GSG1L: variants seen among roughly 807,000 people sequenced by gnomAD.
The protein encoded by GSG1L is GSG1 like.
A neutral mutation model predicts 42.1 loss-of-function variants in GSG1L; 24 were observed. The ratio of observed to expected loss-of-function variants is 0.57; its 90% confidence interval spans 0.41 to 0.80. GSG1L has a LOEUF of 0.80. Ranked by LOEUF, GSG1L falls within the 30% of genes least tolerant of loss-of-function variation. The pLI, the probability that GSG1L is intolerant of heterozygous loss-of-function variation, is 0.00. For missense variants in GSG1L, 445 were observed against 472.2 expected, an observed-to-expected ratio of 0.94 and a Z score of 0.53; for synonymous variants, 215 against 203.5, an observed-to-expected ratio of 1.06 and a Z score of -0.48.
intron 2 of GSG1L, among the ~76,000 whole-genome samples, chr16:27,899,081 A>C (rs988973056): frequency 6.6e-6 from 1 of 152,212 alleles, no homozygotes; most frequent in Non-Finnish European, 1.5e-5. Context: ...AGGCTCGGGG[A>C]GGAGGCTGGC....
intron 1 of GSG1L, among the ~76,000 whole-genome samples, chr16:28,026,880 G>A (rs186738434): frequency 1.3e-4 from 20 of 152,260 alleles, no homozygotes; most frequent in Admixed American, 1.1e-3. Flanking sequence ...CCAGGAGTTC[G>A]AGACCAGCCT....
intron 2 of GSG1L, among the ~76,000 whole-genome samples, chr16:27,950,115 G>A (rs943648209): frequency 1.3e-5 from 2 of 152,034 alleles, no homozygotes. Context: ...CCAACCCTAC[G>A]CCATCATAGA....
chr16:28,039,028 G>A (rs1200271662), intron 1 of GSG1L, among the ~76,000 whole-genome samples: 1 of 152,156 alleles, frequency 6.6e-6, no homozygotes, highest in Admixed American at 6.5e-5. Flanking sequence ...ACTGCAAATT[G>A]GTGTGGGGGC....
chr16:27,909,383 T>A (rs1596605133), intron 2 of GSG1L, among the ~76,000 whole-genome samples: 3 of 65,300 alleles, frequency 4.6e-5, no homozygotes, highest in African/African-American at 1.3e-4. Flanking sequence ...TTCTTTTTCT[T>A]TTTTTTTTTT....
At chr16:27,839,777 T>C (rs1157352772) in intron 4 of GSG1L, among the ~76,000 whole-genome samples, 1 of 152,256 alleles carries the variant, frequency 6.6e-6, no homozygotes, top group East Asian at 1.9e-4. Flanking sequence ...TTTACCATTT[T>C]AGATGTTAGA....
chr16:27,866,774 G>A (rs922085970), intron 3 of GSG1L, among the ~76,000 whole-genome samples: 3 of 152,078 alleles, frequency 2.0e-5, no homozygotes, highest in South Asian at 4.2e-4. Flanking sequence ...GTTTCACCGC[G>A]TTGGCCAGGC....
intron 4 of GSG1L, among the ~76,000 whole-genome samples, chr16:27,839,170 A>G (rs1349929451): frequency 6.6e-6 from 1 of 152,186 alleles, no homozygotes; most frequent in Non-Finnish European, 1.5e-5. Context: ...AAAGGGAGGG[A>G]CAGCAGTGAG....
intron 5 of GSG1L, among the ~76,000 whole-genome samples, chr16:27,808,421 C>CT (rs11388084): frequency 0.19 from 26,993 of 141,724 alleles, 2,651 homozygotes; most frequent in African/African-American, 0.26. Context: ...TAAAACACAT[C>CT]TTTTTTTTTT....
intron 4 of GSG1L, among the ~76,000 whole-genome samples, chr16:27,832,304 C>T (rs1260800426): frequency 6.6e-6 from 1 of 152,160 alleles, no homozygotes; most frequent in Non-Finnish European, 1.5e-5. Context: ...ATATCACAAG[C>T]AGGATATTGA....
intron 1 of GSG1L, among the ~76,000 whole-genome samples, chr16:28,013,620 C>T (rs1043504469): frequency 6.6e-6 from 1 of 152,198 alleles, no homozygotes; most frequent in Admixed American, 6.5e-5. Context: ...AGGTGCCACA[C>T]AGGACATGAA....
intron 3 of GSG1L, among the ~76,000 whole-genome samples, chr16:27,883,118 CAAAAAAAAAA>C (rs1282858322): frequency 2.8e-5 from 2 of 70,176 alleles, no homozygotes; most frequent in African/African-American, 8.6e-5. Context: ...GACCCAATCT[CAAAAAAAAAA>C]AAAAAAAAAA....
intron 1 of GSG1L, among the ~76,000 whole-genome samples, chr16:28,026,306 G>C (rs1228351896): frequency 4.6e-5 from 7 of 152,142 alleles, no homozygotes; most frequent in Non-Finnish European, 1.0e-4. Flanking sequence ...ACCAGGAGAG[G>C]AGCCCCTTGA....
chr16:27,956,860 T>C (rs1262065400), intron 2 of GSG1L, among the ~76,000 whole-genome samples: 1 of 151,854 alleles, frequency 6.6e-6, no homozygotes, highest in Admixed American at 6.6e-5. Context: ...GGTTGTGTGA[T>C]AGCTCGTTAC....
chr16:27,979,663 G>GAAAGAA lies in GSG1L; in HGVS notation c.350-16461_350-16460insTTCTTT, dbSNP rs35672057. 3.0e-4 allele frequency among the ~76,000 whole-genome samples: 25 copies of GAAAGAA among 83,994 alleles called. 1 individual carries two copies. The highest frequency in any genetic ancestry group is 2.9e-3 in the East Asian group (11 of 3,732). 55.1% of individuals were successfully genotyped at this position (83,994 alleles called of 152,430 possible). A position where few individuals can be genotyped will look rare whatever the true frequency, so the allele number is the denominator to read the frequency against. ...GAGGGGAAAGAAAGAAAGAAAGAAA[G>GAAAGAA]AGAGAGAGAGAGAGAGAAAGAAAGA... On this transcript the variant is annotated intron_variant, in intron 1 of 6. Transcript: ENST00000447459.
At chr16:28,017,208 G>A (rs1304769091) in intron 1 of GSG1L, among the ~76,000 whole-genome samples, 3 of 152,200 alleles carry the variant, frequency 2.0e-5, no homozygotes, top group Non-Finnish European at 4.4e-5. Context: ...TGGGGTGACT[G>A]TTTGAAGAAG....
intron 3 of GSG1L, chr16:27,863,186 T>A (rs2083675187): frequency 6.6e-6 from 1 of 152,198 alleles, no homozygotes; most frequent in Non-Finnish European, 1.5e-5. Flanking sequence ...GTTTTGTTAT[T>A]CTTTTTACCC....
chr16:27,794,628 G>T (rs2082797714), intron 6 of GSG1L, among the ~76,000 whole-genome samples: 1 of 152,130 alleles, frequency 6.6e-6, no homozygotes. Context: ...ACCGCGCCCG[G>T]CCCAAAACTT....
rs569909804 is a variant in GSG1L, at chr16:27,838,753, G to C, written c.662+6197C>G. ...GGCTGGGCACAGATGCATAATCCAG[G>C]CCACCCTCAGGGCCCAAGAGCTGAT... On this transcript the variant is annotated intron_variant, in intron 4 of 6. Transcript: ENST00000447459. Among the ~76,000 whole-genome samples, 48 of 152,264 alleles carry C rather than the reference G, an allele frequency of 3.2e-4. No individual in the cohort carries two copies. In the East Asian group the frequency reaches 9.3e-3, roughly 29 times the overall value.
intron 3 of GSG1L, among the ~76,000 whole-genome samples, chr16:27,847,948 C>G (rs2083462622): frequency 6.6e-6 from 1 of 152,162 alleles, no homozygotes; most frequent in Non-Finnish European, 1.5e-5. Flanking sequence ...TCAGGTAGTT[C>G]TTTATAGCAA....
Sources: allele counts gnomAD v4.1 joint callset (sites outside exome capture counted in the v4.1 genomes callset), GRCh38; gene constraint gnomAD v4.1.1; transcripts MANE v1.5; gene names NCBI Gene and HGNC (gene_info 2026-07-23, HGNC 2026-07-21).